TPO: variants seen among roughly 807,000 people sequenced by gnomAD.
TPO encodes the protein thyroid microsomal antigen.
Under a neutral mutation model 96.9 loss-of-function variants are expected in TPO, and 78 were observed. That is an observed-to-expected ratio of 0.81 (90% CI 0.67 to 0.97). The LOEUF (loss-of-function observed/expected upper bound fraction) is 0.97, where lower values mean the gene tolerates loss of function less well. Among genes scored for constraint, TPO ranks in the 50% least tolerant of loss-of-function variants. The pLI is 0.00. For synonymous variants in TPO, 547 were observed against 538.0 expected, an observed-to-expected ratio of 1.02 and a Z score of -0.23; for missense variants, 1,252 against 1,274.8, an observed-to-expected ratio of 0.98 and a Z score of 0.27.
At chr2:1,394,274 G>A (rs181804330) in intron 1 of TPO, among the ~76,000 whole-genome samples, 1 of 152,314 alleles carries the variant, frequency 6.6e-6, no homozygotes, top group South Asian at 2.1e-4. Flanking sequence ...ATTTTTTCCT[G>A]TAATATAAGA....
chr2:1,379,504 G>T (rs1238771883), intron 1 of TPO, among the ~76,000 whole-genome samples: 1 of 152,074 alleles, frequency 6.6e-6, no homozygotes, highest in Non-Finnish European at 1.5e-5. Context: ...AATGCAGAGG[G>T]GTTCACCATA....
chr2:1,400,558 G>GATTGCACC, intron 1 of TPO, among the ~76,000 whole-genome samples: 1 of 89,492 alleles, frequency 1.1e-5, no homozygotes, highest in African/African-American at 6.7e-5. Context: ...AAAGAAGTGA[G>GATTGCACC]ACTCTGTCTC....
At chr2:1,542,332 C>A in intron 16 of TPO, 89 bp from the exon 17 acceptor site, 1 of 1,548,228 alleles carries the variant, frequency 6.5e-7, no homozygotes, top group Non-Finnish European at 8.8e-7. Flanking sequence ...GAGCTCCTGT[C>A]CAGGCCCTTC....
chr2:1,513,198 C>G (rs1411683072), intron 14 of TPO, among the ~76,000 whole-genome samples: 2 of 152,216 alleles, frequency 1.3e-5, no homozygotes, highest in Non-Finnish European at 2.9e-5. Flanking sequence ...TTCAGAATGA[C>G]AGCGTGAAAC....
At position 1,542,910 on chromosome 2, in the gene TPO, C is replaced by T. The variant is rs1371129115; in HGVS notation, c.*436C>T. 3.4e-6 allele frequency: 1 copy of T among 290,888 alleles called. No individual in the cohort carries two copies. Among genetic ancestry groups the T allele is most frequent in the Non-Finnish European group, 6.6e-6 (1 of 150,810 alleles). The allele number at this position is 290,888 out of a possible 1,614,324, so 18.0% of individuals were successfully genotyped here. ...GGCCTACATCTGGCTTCCCTCTTCTCCTGGGAAGAGCACTCCTGGCTTCCT... is the reference window on the plus strand; with the variant it reads ...GGCCTACATCTGGCTTCCCTCTTCTTCTGGGAAGAGCACTCCTGGCTTCCT... On this transcript the variant is annotated 3_prime_UTR_variant, in exon 17 of 17. Transcript: ENST00000329066.
chr2:1,526,100 C>T (rs1676425126), intron 15 of TPO, among the ~76,000 whole-genome samples: 1 of 119,518 alleles, frequency 8.4e-6, no homozygotes, highest in African/African-American at 3.3e-5. Context: ...TGTGCGCAAC[C>T]TCCCCAAATC....
At chr2:1,516,820 G>T in intron 14 of TPO, 63 bp from the exon 15 acceptor site, 1 of 1,520,556 alleles carries the variant, frequency 6.6e-7, no homozygotes, top group Non-Finnish European at 9.1e-7. Context: ...GACTCAGGCA[G>T]GACAACCTGG....
intron 1 of TPO, among the ~76,000 whole-genome samples, chr2:1,413,938 A>G (rs1221224448): frequency 6.6e-6 from 1 of 152,216 alleles, no homozygotes; most frequent in African/African-American, 2.4e-5. Context: ...CATTTTATGG[A>G]CATAAGAATG....
chr2:1,504,060 C>T lies in TPO; in HGVS notation c.2499C>T (p.Asp833=), dbSNP rs142148533. The part of the protein sequence containing the change: ...CLCADPYELG[D]DGRTCVDSGR... ...GCGCGGACCCCTACGAGTTAGGAGA[C>T]GATGGGAGAACCTGCGTAGGTGAGG... Residue 833 remains aspartate (D), a synonymous_variant, in exon 14 of 17, where the codon GAC becomes GAT. Transcript: ENST00000329066. The T allele has an allele frequency of 1.1e-3, 1,799 of 1,614,156 alleles. 4 individuals are homozygous for T. Among genetic ancestry groups the T allele is most frequent in the Non-Finnish European group, 1.3e-3 (1,541 of 1,180,032 alleles).
intron 16 of TPO, chr2:1,541,316 C>T (rs560872126): frequency 1.9e-5 from 8 of 427,192 alleles, no homozygotes; most frequent in Middle Eastern, 1.2e-3. Context: ...ATGGGGCGCA[C>T]GCTTCCTCAT....
At chr2:1,416,558 T>A (rs143743975) in intron 2 of TPO, among the ~76,000 whole-genome samples, 1 of 152,258 alleles carries the variant, frequency 6.6e-6, no homozygotes, top group Admixed American at 6.5e-5. Flanking sequence ...ATTTGACCTT[T>A]TCGTTTTGCT....
chr2:1,538,019 GCCACCTCAAGTCCCCCCACTGTGTGCAA>G (rs1337825695), intron 15 of TPO, among the ~76,000 whole-genome samples: 1 of 59,506 alleles, frequency 1.7e-5, no homozygotes, highest in Non-Finnish European at 2.9e-5. Context: ...TCTACTGTGT[GCCACCTCAAGTCCCCCCACTGTGTGCAA>G]CCTCCTCAAA....
chr2:1,437,530 T>C (rs1384149167), intron 5 of TPO, among the ~76,000 whole-genome samples: 1 of 152,020 alleles, frequency 6.6e-6, no homozygotes, highest in Non-Finnish European at 1.5e-5. Flanking sequence ...AGCAGGGGCT[T>C]TGCGACAATG....
In TPO at chr2:1,493,982, G is replaced by A. The variant is rs200122184; in HGVS notation, c.1949G>A (p.Gly650Glu). ...AACTTCCTCCCCAGGGCTCGGACAGGGCCCCTGTTTGCCTGTCTCATTGGG... is the reference window on the plus strand; with the variant it reads ...AACTTCCTCCCCAGGGCTCGGACAGAGCCCCTGTTTGCCTGTCTCATTGGG... ...AENFLPRARTGPLFACLIGKQ... is the reference protein window; with the variant it reads ...AENFLPRARTEPLFACLIGKQ... Residue 650 changes from glycine to glutamate, a missense_variant, in exon 11 of 17, where the codon GGG becomes GAG. Gly to Glu is a moderately conservative substitution (Grantham distance 98). Coordinates refer to ENST00000329066, the MANE Select transcript of TPO (RefSeq NM_001206744.2). 1 of 1,614,150 alleles carries A rather than the reference G, an allele frequency of 6.2e-7. No homozygotes were observed. The highest frequency in any genetic ancestry group is 2.2e-5 in the East Asian group (1 of 44,868).
intron 1 of TPO, among the ~76,000 whole-genome samples, chr2:1,376,089 G>A (rs902318609): frequency 1.3e-5 from 2 of 152,156 alleles, no homozygotes; most frequent in Non-Finnish European, 2.9e-5. Context: ...AAAGATGAGC[G>A]CGGCACCATC....
intron 13 of TPO, among the ~76,000 whole-genome samples, chr2:1,500,558 A>G (rs1329902531): frequency 6.6e-6 from 1 of 152,242 alleles, no homozygotes; most frequent in South Asian, 2.1e-4. Context: ...ATCTGCGGCT[A>G]CAGAAAGGAA....
At position 1,477,586 on chromosome 2, in the gene TPO, C is replaced by G; in HGVS notation, c.1320C>G (p.Val440=). 6.5e-7 allele frequency: 1 copy of G among 1,533,400 alleles called. No homozygotes were observed. Among genetic ancestry groups the G allele is most frequent in the Non-Finnish European group, 8.7e-7 (1 of 1,145,932 alleles). 95.0% of individuals were successfully genotyped at this position (1,533,400 alleles called of 1,614,324 possible). The part of the protein sequence containing the change: ...ADAVYQEARK[V]VGALHQIITL... Reference sequence around the variant, plus strand: ...CCGTGTACCAGGAGGCGCGCAAGGTCGTGGGCGCTCTGCACCAGGTGCGCG... The same window carrying G: ...CCGTGTACCAGGAGGCGCGCAAGGTGGTGGGCGCTCTGCACCAGGTGCGCG... Residue 440 remains valine, a synonymous_variant, in exon 8 of 17, where the codon GTC becomes GTG. Coordinates refer to ENST00000329066, the MANE Select transcript of TPO (RefSeq NM_001206744.2).
intron 5 of TPO, 35 bp from the exon 6 acceptor site, chr2:1,453,659 C>G (rs1411312217): frequency 6.2e-7 from 1 of 1,613,756 alleles, no homozygotes; most frequent in Non-Finnish European, 8.5e-7. Context: ...TTCTTCTCCC[C>G]CATCTCAAAC....
rs113120562 is a variant in TPO at position 1,414,367 on chromosome 2, A to C, written c.-1-41A>C. 81 of 1,583,920 alleles carry C rather than the reference A, an allele frequency of 5.1e-5. 1 individual carries two copies. The African/African-American group carries it at 7.5e-4, about 15-fold the overall frequency. On this transcript the variant is annotated intron_variant, in intron 1 of 16. Transcript: ENST00000329066. ...ACACAGCGGTTCCCATGGCCTTGTC[A>C]GTGCTTGATTACATACTCTGTCTCC...
Sources: gnomAD v4.1 joint callset for allele counts (sites outside exome capture counted in the v4.1 genomes callset) on GRCh38, gnomAD v4.1.1 for gene constraint, MANE v1.5 for transcripts, NCBI Gene and HGNC (gene_info 2026-07-23, HGNC 2026-07-21) for gene names.